The following KLRG2 variants were observed in gnomAD, a reference collection of about 807,000 sequenced individuals.
KLRG2 encodes the protein killer cell lectin-like receptor subfamily G member 2.
KLRG2 carries 39 observed loss-of-function variants against 35.4 expected under a neutral mutation model. That is an observed-to-expected ratio of 1.10 (90% CI 0.85 to 1.44). The LOEUF (loss-of-function observed/expected upper bound fraction) is 1.44, where lower values mean the gene tolerates loss of function less well. Among genes scored for constraint, KLRG2 ranks in the 40% most tolerant of loss-of-function variants. The pLI is 0.00. For synonymous variants in KLRG2, 283 were observed against 265.8 expected, an observed-to-expected ratio of 1.06 and a Z score of -0.63; for missense variants, 632 against 570.9, an observed-to-expected ratio of 1.11 and a Z score of -1.09.
the KLRG2 span, among the ~76,000 whole-genome samples, chr7:139,435,751 C>T: frequency 6.6e-6 from 1 of 152,204 alleles, no homozygotes; most frequent in African/African-American, 2.4e-5. Flanking sequence ...GAGACTCACC[C>T]GTGCTGTGTG....
intron 1 of KLRG2, among the ~76,000 whole-genome samples, chr7:139,480,607 G>A (rs1056344204): frequency 7.9e-5 from 12 of 151,170 alleles, no homozygotes; most frequent in South Asian, 2.1e-4. Context: ...CACCATGCCC[G>A]GCTAATTTTT....
intron 3 of KLRG2, among the ~76,000 whole-genome samples, chr7:139,462,739 G>A (rs536627568): frequency 5.8e-4 from 89 of 152,280 alleles, no homozygotes; most frequent in African/African-American, 2.1e-3. Context: ...ATGGTCTGAG[G>A]TGCCTGACGT....
intron 3 of KLRG2, among the ~76,000 whole-genome samples, chr7:139,455,344 C>CAA (rs1425588729): frequency 2.7e-5 from 3 of 112,006 alleles, no homozygotes; most frequent in Admixed American, 9.5e-5. Flanking sequence ...TTTTTTGAGA[C>CAA]AGAGTCTCGC....
At chr7:139,477,919 C>T (rs898422736) in intron 3 of KLRG2, among the ~76,000 whole-genome samples, 2 of 152,010 alleles carry the variant, frequency 1.3e-5, no homozygotes, top group South Asian at 4.1e-4. Context: ...CCACCGCGCC[C>T]GGCTAATGTT....
intron 3 of KLRG2, among the ~76,000 whole-genome samples, chr7:139,478,309 T>G (rs2116478823): frequency 6.8e-6 from 1 of 147,690 alleles, no homozygotes; most frequent in South Asian, 2.1e-4. Flanking sequence ...AAGGCTGCAG[T>G]AAGCCATGAC....
At chr7:139,458,565 C>T in intron 3 of KLRG2, among the ~76,000 whole-genome samples, 1 of 149,620 alleles carries the variant, frequency 6.7e-6, no homozygotes, top group Admixed American at 6.6e-5. Flanking sequence ...AACTCCCCAT[C>T]CCCCGCTGCA....
At position 139,483,422 on chromosome 7, in the gene KLRG2, C is replaced by T. The variant is rs1230496746; in HGVS notation, c.221G>A (p.Arg74His). 2.6e-6 allele frequency: 4 copies of T among 1,556,154 alleles called. No individual in the cohort carries two copies. Among genetic ancestry groups the T allele is most frequent in the Non-Finnish European group, 3.4e-6 (4 of 1,162,920 alleles). ...PSSKKKPPSP[R>H]PGSPRVPPLS... ...CGGCGGCACGCGCGGGGACCCGGGG[C>T]GAGGCGAAGGCGGCTTTTTCTTGCT... Residue 74 changes from arginine to histidine, a missense_variant, in exon 1 of 5, where the codon CGC becomes CAC. Coordinates refer to ENST00000340940, the MANE Select transcript of KLRG2 (RefSeq NM_198508.4).
rs539611108 is a variant in KLRG2, at chr7:139,459,589, C to A, written c.1006-5375G>T. On this transcript the variant is annotated intron_variant, in intron 3 of 4. Coordinates refer to ENST00000340940, the MANE Select transcript of KLRG2 (RefSeq NM_198508.4). ...CCAACACCTCAGGGCCCAGCCCAGG[C>A]GCTGAGCAGAAACTGATCCCTACTG... Among the ~76,000 whole-genome samples the A allele has an allele frequency of 2.0e-5, 3 of 152,216 alleles. No individual in the cohort carries two copies. The South Asian group carries it at 6.2e-4, about 32-fold the overall frequency.
the KLRG2 span, among the ~76,000 whole-genome samples, chr7:139,429,732 TC>T: frequency 6.6e-6 from 1 of 152,196 alleles, no homozygotes. Flanking sequence ...GAAGAATTGT[TC>T]TTAGTACAGA....
the KLRG2 span, among the ~76,000 whole-genome samples, chr7:139,445,900 C>T: frequency 2.0e-5 from 3 of 150,856 alleles, no homozygotes; most frequent in African/African-American, 4.9e-5. Flanking sequence ...GGCACAATCT[C>T]GGCTCACTGC....
intron 3 of KLRG2, among the ~76,000 whole-genome samples, chr7:139,477,083 C>G (rs527395391): frequency 5.9e-5 from 9 of 152,156 alleles, no homozygotes; most frequent in Non-Finnish European, 1.3e-4. Flanking sequence ...ATATAAATTC[C>G]TGGCACCTGC....
At chr7:139,430,263 G>A in the KLRG2 span, among the ~76,000 whole-genome samples, 3 of 152,210 alleles carry the variant, frequency 2.0e-5, no homozygotes, top group African/African-American at 7.2e-5. Context: ...TTAGCCAGGC[G>A]TGGTGGTGCA....
intron 3 of KLRG2, among the ~76,000 whole-genome samples, chr7:139,457,370 C>T (rs1268451246): frequency 6.6e-6 from 1 of 152,126 alleles, no homozygotes; most frequent in Non-Finnish European, 1.5e-5. Flanking sequence ...GTGCCTCTTC[C>T]GGGGCTGAGA....
At chr7:139,481,514 A>G (rs539362135) in intron 1 of KLRG2, among the ~76,000 whole-genome samples, 6 of 152,252 alleles carry the variant, frequency 3.9e-5, no homozygotes, top group African/African-American at 1.4e-4. Flanking sequence ...TCAATCAGCC[A>G]AGCTTTTGCC....
intron 3 of KLRG2, among the ~76,000 whole-genome samples, chr7:139,467,086 C>T (rs1006642643): frequency 1.3e-5 from 2 of 152,094 alleles, no homozygotes; most frequent in African/African-American, 4.8e-5. Context: ...TTTTAACAAC[C>T]CCACAATATC....
the KLRG2 span, among the ~76,000 whole-genome samples, chr7:139,438,448 T>G: frequency 1.3e-5 from 2 of 152,000 alleles, no homozygotes; most frequent in South Asian, 4.2e-4. Context: ...AACTCCTGGG[T>G]CCAAGAGATC....
chr7:139,453,515 A>C lies in KLRG2; in HGVS notation c.*72T>G, dbSNP rs1328817625. The C allele has an allele frequency of 6.6e-7, 1 of 1,507,128 alleles. No individual in the cohort carries two copies. Among genetic ancestry groups the C allele is most frequent in the East Asian group, 2.5e-5 (1 of 40,696 alleles). The allele number at this position is 1,507,128 out of a possible 1,614,324, so 93.4% of individuals were successfully genotyped here. ...ACTGGGTCCAGGAAGAGGCTGCCCAAGCTCTCAACTGGCCTCCCCTGTAGG... is the reference window on the plus strand; with the variant it reads ...ACTGGGTCCAGGAAGAGGCTGCCCACGCTCTCAACTGGCCTCCCCTGTAGG... On this transcript the variant is annotated 3_prime_UTR_variant, in exon 5 of 5. Transcript: ENST00000340940.
intron 3 of KLRG2, among the ~76,000 whole-genome samples, chr7:139,471,898 G>C (rs1478274034): frequency 6.6e-6 from 1 of 152,184 alleles, no homozygotes; most frequent in Admixed American, 6.5e-5. Context: ...TCTCAGAGAG[G>C]TGTGGATATG....
the KLRG2 span, among the ~76,000 whole-genome samples, chr7:139,433,625 C>CTTTTTT: frequency 2.5e-5 from 3 of 119,014 alleles, no homozygotes; most frequent in African/African-American, 1.1e-4. Flanking sequence ...TGCGCCCGGC[C>CTTTTTT]TTTTTTTTTT....
Sources: gnomAD v4.1 joint callset for allele counts (sites outside exome capture counted in the v4.1 genomes callset) on GRCh38, gnomAD v4.1.1 for gene constraint, MANE v1.5 for transcripts, NCBI Gene and HGNC (gene_info 2026-07-23, HGNC 2026-07-21) for gene names.